TSPYL1: variants seen among roughly 807,000 people sequenced by gnomAD.
TSPYL1 encodes the protein testis-specific Y-encoded-like protein 1.
TSPYL1 carries 16 observed loss-of-function variants against 20.1 expected under a neutral mutation model. The ratio of observed to expected loss-of-function variants is 0.80; its 90% CI spans 0.54 to 1.21. TSPYL1 has a LOEUF of 1.21. Ranked by LOEUF, TSPYL1 falls within the 50% of genes most tolerant of loss-of-function variation. The pLI is 0.00. For synonymous variants in TSPYL1, 259 were observed against 227.1 expected (o/e 1.14, Z -1.26); for missense variants, 560 against 569.3 (o/e 0.98, Z 0.17).
In TSPYL1 at chr6:116,276,133, T is replaced by C. The variant is rs1484676424; in HGVS notation, c.*2384A>G. ...CATAAAGAAACATTTATCTCCTCTA[T>C]GGGGAACAGAAAGACTTTGGCAGAG... On this transcript the variant is annotated 3_prime_UTR_variant, in exon 1 of 1. Coordinates refer to ENST00000368608, the MANE Select transcript of TSPYL1 (RefSeq NM_003309.4). Among the ~76,000 whole-genome samples, 2 of 152,040 alleles carry C rather than the reference T, an allele frequency of 1.3e-5. No homozygotes were observed. Among genetic ancestry groups the C allele is most frequent in the African/African-American group, 2.4e-5 (1 of 41,380 alleles).
Position 116,278,312 on chromosome 6 carries a change from A to G in TSPYL1, c.*205T>C, listed in dbSNP as rs562360062. 19 of 621,508 alleles carry G rather than the reference A, an allele frequency of 3.1e-5. No individual in the cohort carries two copies. The highest frequency in any genetic ancestry group is 5.1e-5 in the Non-Finnish European group (18 of 351,828). The allele number at this position is 621,508 out of a possible 1,614,324, so 38.5% of individuals were successfully genotyped here. On this transcript the variant is annotated 3_prime_UTR_variant, in exon 1 of 1. Coordinates refer to ENST00000368608, the MANE Select transcript of TSPYL1 (RefSeq NM_003309.4). ...GTAGCATGTGATATTCCAGAACAGCATGAAGGTCATATGGAAGTGGAGAAG... is the reference window on the plus strand; with the variant it reads ...GTAGCATGTGATATTCCAGAACAGCGTGAAGGTCATATGGAAGTGGAGAAG...
In TSPYL1 at chr6:116,276,026, T is replaced by C. The variant is rs1562195674; in HGVS notation, c.*2491A>G. 6.6e-6 allele frequency among the ~76,000 whole-genome samples: 1 copy of C among 152,208 alleles called. No homozygotes were observed. The highest frequency in any genetic ancestry group is 2.4e-5 in the African/African-American group (1 of 41,458). On this transcript the variant is annotated 3_prime_UTR_variant, in exon 1 of 1. Coordinates refer to ENST00000368608, the MANE Select transcript of TSPYL1 (RefSeq NM_003309.4). ...GGAATGGACTTTATCTTCTTACTCT[T>C]TTTCTCTATTTGTGGAATTCACTGT...
At position 116,279,075 on chromosome 6, in the gene TSPYL1, C is replaced by G. The variant is rs769988280; in HGVS notation, c.756G>C (p.Gln252His). The G allele has an allele frequency of 1.2e-6, 2 of 1,613,306 alleles. No homozygotes were observed. The highest frequency in any genetic ancestry group is 2.7e-5 in the African/African-American group (2 of 74,878). The change falls in exon 1 of 1, where the codon CAG becomes CAC. Residue 252 changes from glutamine to histidine, a missense_variant. Gln to His is a conservative substitution (Grantham distance 24). Coordinates refer to ENST00000368608, the MANE Select transcript of TSPYL1 (RefSeq NM_003309.4). ...GCATCCGCCCAAACTTGTGCTCCAGCTGTTGGAAGGCCCTGTCGGCCTGAG... is the reference window on the plus strand; with the variant it reads ...GCATCCGCCCAAACTTGTGCTCCAGGTGTTGGAAGGCCCTGTCGGCCTGAG... ...VNAQADRAFQQLEHKFGRMRR... is the reference protein window; with the variant it reads ...VNAQADRAFQHLEHKFGRMRR...
chr6:116,277,108 TC>T lies in TSPYL1; in HGVS notation c.*1408del, dbSNP rs1773177468. 6.6e-6 allele frequency: 1 copy of T among 152,444 alleles called. No individual in the cohort carries two copies. The highest frequency in any genetic ancestry group is 2.1e-4 in the South Asian group (1 of 4,826). The allele number at this position is 152,444 out of a possible 1,614,324, so 9.4% of individuals were successfully genotyped here. The stretch of plus-strand genomic sequence containing the variant: ...GTTCCCAATTGAAATCAAAAGAATA[TC>T]TGTACAGCTCAATTTTCACAATAAG... On this transcript the variant is annotated 3_prime_UTR_variant, in exon 1 of 1. Coordinates refer to ENST00000368608, the MANE Select transcript of TSPYL1 (RefSeq NM_003309.4).
chr6:116,279,805 C>T lies in TSPYL1; in HGVS notation c.26G>A (p.Arg9Lys). 1 of 1,613,014 alleles carries T rather than the reference C, an allele frequency of 6.2e-7. No homozygotes were observed. Among genetic ancestry groups the T allele is most frequent in the Non-Finnish European group, 8.5e-7 (1 of 1,180,036 alleles). MSGLDGVK[R>K]TTPLQTHSII... ...GCTGTGGGTTTGGAGGGGAGTGGTC[C>T]TCTTGACCCCATCCAGGCCGCTCAT... The change falls in exon 1 of 1, where the codon AGG (arginine) becomes AAG (lysine). Residue 9 changes from arginine to lysine, a missense_variant. By Grantham distance (26) the Arg-to-Lys change is conservative (BLOSUM62 2). Coordinates refer to ENST00000368608, the MANE Select transcript of TSPYL1 (RefSeq NM_003309.4).
In TSPYL1 at chr6:116,279,764, G is replaced by C. The variant is rs201525958; in HGVS notation, c.67C>G (p.Gln23Glu). Residue 23 changes from glutamine (Q) to glutamate (E), a missense_variant, in exon 1 of 1, where the codon CAA becomes GAA. Gln to Glu is a conservative substitution (Grantham distance 29, BLOSUM62 2). Coordinates refer to ENST00000368608, the MANE Select transcript of TSPYL1 (RefSeq NM_003309.4). ...LQTHSIIISD[Q>E]VPSDQDAHQY... ...TGTGCGTCCTGGTCGCTCGGGACTT[G>C]GTCAGAAATAATGATGCTGTGGGTT... 1.3e-5 allele frequency: 21 copies of C among 1,612,506 alleles called. No homozygotes were observed. Among genetic ancestry groups the C allele is most frequent in the Non-Finnish European group, 1.7e-5 (20 of 1,180,040 alleles).
chr6:116,279,360 T>A lies in TSPYL1; in HGVS notation c.471A>T (p.Thr157=), dbSNP rs560519255. ...GAEAEAEEVK[T]GKCATVSAAV... ...CTGCTGAGACGGTGGCGCACTTTCC[T>A]GTCTTCACCTCCTCCGCCTCAGCCT... The change falls in exon 1 of 1, where the codon ACA becomes ACT. Residue 157 remains threonine (T), a synonymous_variant. Transcript: ENST00000368608. The A allele has an allele frequency of 1.9e-6, 3 of 1,612,012 alleles. No homozygotes were observed. Among genetic ancestry groups the A allele is most frequent in the East Asian group, 2.2e-5 (1 of 44,880 alleles).
Position 116,279,523 on chromosome 6 carries a change from G to C in TSPYL1, c.308C>G (p.Pro103Arg). The change falls in exon 1 of 1, where the codon CCT becomes CGT. Residue 103 changes from proline (P) to arginine (R), a missense_variant. Transcript: ENST00000368608. ...AGCGGCTGCCAGGCCTTCGGCGGGA[G>C]GCTGGCCCTCTTCCTGCCCGGCTTT... ...AIKAGQEEGQ[P>R]PAEGLAAASV... 5 of 1,607,790 alleles carry C rather than the reference G, an allele frequency of 3.1e-6. No individual in the cohort carries two copies. The highest frequency in any genetic ancestry group is 4.2e-6 in the Non-Finnish European group (5 of 1,179,994).
rs1773190112 is a variant in TSPYL1, at chr6:116,277,300, T to C, written c.*1217A>G. 6.5e-6 allele frequency: 1 copy of C among 152,686 alleles called. No individual in the cohort carries two copies. The highest frequency in any genetic ancestry group is 2.4e-5 in the African/African-American group (1 of 41,470). 9.5% of individuals were successfully genotyped at this position (152,686 alleles called of 1,614,324 possible). ...ACACTTTAACCCCTTCAATTCTCCC[T>C]GAAAAGTATTTTTCCATTCATCATC... On this transcript the variant is annotated 3_prime_UTR_variant, in exon 1 of 1. Coordinates refer to ENST00000368608, the MANE Select transcript of TSPYL1 (RefSeq NM_003309.4).
At position 116,278,392 on chromosome 6, in the gene TSPYL1, A is replaced by C; in HGVS notation, c.*125T>G. ...TGAGAGAACTGAATATCCAAAGGAA[A>C]CAGGGTGCAGAAAAGTCAGCAAAAA... On this transcript the variant is annotated 3_prime_UTR_variant, in exon 1 of 1. Transcript: ENST00000368608. 3.2e-6 allele frequency: 4 copies of C among 1,259,730 alleles called. No homozygotes were observed. Among genetic ancestry groups the C allele is most frequent in the Non-Finnish European group, 1.1e-6 (1 of 877,078 alleles). 78.0% of individuals were successfully genotyped at this position (1,259,730 alleles called of 1,614,324 possible).
In TSPYL1 at chr6:116,279,502, G is replaced by T; in HGVS notation, c.329C>A (p.Ala110Asp). The T allele has an allele frequency of 6.2e-7, 1 of 1,610,592 alleles. No individual in the cohort carries two copies. The part of the protein sequence containing the change: ...EGQPPAEGLA[A>D]ASVVMAADRS... ...GTCGGCTGCCATCACCACAGAAGCGGCTGCCAGGCCTTCGGCGGGAGGCTG... is the reference window on the plus strand; with the variant it reads ...GTCGGCTGCCATCACCACAGAAGCGTCTGCCAGGCCTTCGGCGGGAGGCTG... Residue 110 changes from alanine (A) to aspartate (D), a missense_variant, in exon 1 of 1, where the codon GCC becomes GAC. Ala to Asp is a moderately radical substitution (Grantham distance 126). Coordinates refer to ENST00000368608, the MANE Select transcript of TSPYL1 (RefSeq NM_003309.4).
At position 116,278,731 on chromosome 6, in the gene TSPYL1, A is replaced by G. The variant is rs764097142; in HGVS notation, c.1100T>C (p.Ile367Thr). ...GCAGATGAGGTCTTGGTTTCTGCGA[A>G]TGAAGGACTGGGGTTCATGCCCCCT... is the stretch of plus-strand genomic sequence containing the variant. The part of the protein sequence containing the change: ...WRRGHEPQSF[I>T]RRNQDLICSF... Residue 367 changes from isoleucine (I) to threonine (T), a missense_variant, in exon 1 of 1, where the codon ATT becomes ACT. By Grantham distance (89) the Ile-to-Thr change is moderately conservative (BLOSUM62 -1). Coordinates refer to ENST00000368608, the MANE Select transcript of TSPYL1 (RefSeq NM_003309.4). 7.4e-6 allele frequency: 12 copies of G among 1,614,158 alleles called. No homozygotes were observed. The South Asian group carries it at 1.3e-4, about 18-fold the overall frequency.
rs1261263263 is a variant in TSPYL1 at position 116,275,106 on chromosome 6, G to A, written c.*3411C>T. On this transcript the variant is annotated 3_prime_UTR_variant, in exon 1 of 1. Transcript: ENST00000368608. ...TTCCATACTGAGTCTTCAAAATCCA[G>A]TGTGAATTTTATATTTATAGATCTC... 6.6e-6 allele frequency among the ~76,000 whole-genome samples: 1 copy of A among 152,184 alleles called. No individual in the cohort carries two copies. Among genetic ancestry groups the A allele is most frequent in the Non-Finnish European group, 1.5e-5 (1 of 68,032 alleles).
chr6:116,279,484 G>A lies in TSPYL1; in HGVS notation c.347C>T (p.Ala116Val), dbSNP rs755080648. 21 of 1,611,796 alleles carry A rather than the reference G, an allele frequency of 1.3e-5. No individual in the cohort carries two copies. Among genetic ancestry groups the A allele is most frequent in the Admixed American group, 1.7e-5 (1 of 60,006 alleles). Residue 116 changes from alanine to valine, a missense_variant, in exon 1 of 1, where the codon GCA (alanine) becomes GTA (valine). Physicochemically the swap from Ala to Val is moderately conservative, Grantham distance 64 (BLOSUM62 0). Coordinates refer to ENST00000368608, the MANE Select transcript of TSPYL1 (RefSeq NM_003309.4). Reference sequence around the variant, plus strand: ...GCCCTTTTTCAGGCTGCGGTCGGCTGCCATCACCACAGAAGCGGCTGCCAG... The same window carrying A: ...GCCCTTTTTCAGGCTGCGGTCGGCTACCATCACCACAGAAGCGGCTGCCAG... ...EGLAAASVVM[A>V]ADRSLKKGVQ...
At position 116,279,153 on chromosome 6, in the gene TSPYL1, A is replaced by C. The variant is rs778165635; in HGVS notation, c.678T>G (p.Ala226=). ...EEEGPWPLHE[A]LRMDPLEAIQ... ...TGGCCTCCAGAGGGTCCATGCGGAG[A>C]GCCTCATGCAAAGGCCAGGGCCCTT... The change falls in exon 1 of 1, where the codon GCT becomes GCG. Residue 226 remains alanine (A), a synonymous_variant. Coordinates refer to ENST00000368608, the MANE Select transcript of TSPYL1 (RefSeq NM_003309.4). 15 of 1,613,754 alleles carry C rather than the reference A, an allele frequency of 9.3e-6. No individual in the cohort carries two copies. The highest frequency in any genetic ancestry group is 4.2e-6 in the Non-Finnish European group (5 of 1,180,008).
Position 116,278,934 on chromosome 6 carries a change from C to A in TSPYL1, c.897G>T (p.Glu299Asp). 1.2e-6 allele frequency: 2 copies of A among 1,614,140 alleles called. No individual in the cohort carries two copies. The highest frequency in any genetic ancestry group is 1.7e-6 in the Non-Finnish European group (2 of 1,180,032). ...LSAMIRGQDAEMLRYITNLEV... is the reference protein window; with the variant it reads ...LSAMIRGQDADMLRYITNLEV... ...CTAAATTGGTTATGTACCTTAACATCTCTGCATCTTGGCCCCTAATCATGG... is the reference window on the plus strand; with the variant it reads ...CTAAATTGGTTATGTACCTTAACATATCTGCATCTTGGCCCCTAATCATGG... Residue 299 changes from glutamate (E) to aspartate (D), a missense_variant, in exon 1 of 1, where the codon GAG (glutamate) becomes GAT (aspartate). Coordinates refer to ENST00000368608, the MANE Select transcript of TSPYL1 (RefSeq NM_003309.4).
rs370128037 is a variant in TSPYL1, at chr6:116,278,700, G to A, written c.1131C>T (p.Phe377=). 10 of 1,614,188 alleles carry A rather than the reference G, an allele frequency of 6.2e-6. No individual in the cohort carries two copies. In the South Asian group the frequency reaches 1.1e-4, roughly 18 times the overall value. Residue 377 remains phenylalanine (F), a synonymous_variant, in exon 1 of 1, where the codon TTC becomes TTT. Coordinates refer to ENST00000368608, the MANE Select transcript of TSPYL1 (RefSeq NM_003309.4). ...GGCTGTGGTCTGAAAACCAAGTGAA[G>A]AAGCTGCAGATGAGGTCTTGGTTTC... The part of the protein sequence containing the change: ...IRRNQDLICS[F]FTWFSDHSLP...
At position 116,279,850 on chromosome 6, in the gene TSPYL1, A is replaced by C. The variant is rs765798716; in HGVS notation, c.-20T>G. The C allele has an allele frequency of 6.8e-6, 11 of 1,613,000 alleles. No individual in the cohort carries two copies. The South Asian group carries it at 1.2e-4, about 18-fold the overall frequency. ...GCTCATGTTGCTAACAGTCGGACCA[A>C]CCGCAGGCGAACGCCCGTTTTCCTC... On this transcript the variant is annotated 5_prime_UTR_variant, in exon 1 of 1. Transcript: ENST00000368608.
At position 116,279,801 on chromosome 6, in the gene TSPYL1, G is replaced by T. The variant is rs1284677361; in HGVS notation, c.30C>A (p.Thr10=). The change falls in exon 1 of 1, where the codon ACC becomes ACA. Residue 10 remains threonine (T), a synonymous_variant. Coordinates refer to ENST00000368608, the MANE Select transcript of TSPYL1 (RefSeq NM_003309.4). ...TGATGCTGTGGGTTTGGAGGGGAGTGGTCCTCTTGACCCCATCCAGGCCGC... is the reference window on the plus strand; with the variant it reads ...TGATGCTGTGGGTTTGGAGGGGAGTTGTCCTCTTGACCCCATCCAGGCCGC... MSGLDGVKR[T]TPLQTHSIII... 1 of 1,612,960 alleles carries T rather than the reference G, an allele frequency of 6.2e-7. No individual in the cohort carries two copies. Among genetic ancestry groups the T allele is most frequent in the East Asian group, 2.2e-5 (1 of 44,880 alleles).
Sources: allele counts gnomAD v4.1 joint callset (sites outside exome capture counted in the v4.1 genomes callset), GRCh38; gene constraint gnomAD v4.1.1; transcripts MANE v1.5; gene names NCBI Gene and HGNC (gene_info 2026-07-23, HGNC 2026-07-21).